Variants in VWA5A observed in about 807,000 individuals in gnomAD.
VWA5A encodes the protein von Willebrand factor A domain-containing protein 5A.
VWA5A carries 77 observed loss-of-function variants against 84.6 expected under a neutral mutation model. The observed-to-expected ratio is 0.91, with a 90% CI of 0.76 to 1.10. The LOEUF (loss-of-function observed/expected upper bound fraction) is 1.10. Among genes scored for constraint, VWA5A ranks in the 50% least tolerant of loss-of-function variants. VWA5A has a pLI of 0.00. For missense variants in VWA5A, 973 were observed against 963.0 expected, an observed-to-expected ratio of 1.01 and a Z score of -0.14; for synonymous variants, 334 against 350.1, an observed-to-expected ratio of 0.95 and a Z score of 0.51.
intron 11 of VWA5A, among the ~76,000 whole-genome samples, chr11:124,126,874 C>T (rs1466009911): frequency 3.9e-5 from 6 of 152,112 alleles, no homozygotes; most frequent in Non-Finnish European, 8.8e-5. Flanking sequence ...TGAGGGCAAA[C>T]CACAGATGTC....
At chr11:124,117,593 T>C in intron 3 of VWA5A, 39 bp downstream of exon 3, 1 of 1,614,010 alleles carries the variant, frequency 6.2e-7, no homozygotes, top group African/African-American at 1.3e-5. Flanking sequence ...CATTGAATCT[T>C]TGGCACCTAT....
chr11:124,131,219 C>A (rs1324931639), intron 11 of VWA5A, among the ~76,000 whole-genome samples: 1 of 151,968 alleles, frequency 6.6e-6, no homozygotes, highest in Non-Finnish European at 1.5e-5. Context: ...AAATATCTAT[C>A]TGATACCTGA....
chr11:124,122,141 T>G (rs913731679), intron 7 of VWA5A, among the ~76,000 whole-genome samples: 1 of 152,200 alleles, frequency 6.6e-6, no homozygotes, highest in Non-Finnish European at 1.5e-5. Context: ...TGGAACTGCT[T>G]CTTAAAAATG....
intron 11 of VWA5A, among the ~76,000 whole-genome samples, chr11:124,132,338 A>G (rs1240343915): frequency 2.6e-5 from 4 of 152,100 alleles, no homozygotes; most frequent in African/African-American, 4.8e-5. Context: ...ATTTTATGCT[A>G]GTATCATAAA....
chr11:124,120,075 G>A, intron 7 of VWA5A, among the ~76,000 whole-genome samples: 1 of 152,114 alleles, frequency 6.6e-6, no homozygotes, highest in East Asian at 1.9e-4. Context: ...CAGTTCTGTG[G>A]TCTTCAGGAC....
chr11:124,128,667 G>C (rs1865054293), intron 11 of VWA5A, among the ~76,000 whole-genome samples: 2 of 152,122 alleles, frequency 1.3e-5, no homozygotes, highest in South Asian at 4.1e-4. Context: ...TTGAACGGTG[G>C]TTTTTAGTTC....
chr11:124,131,680 T>G (rs1424453603), intron 11 of VWA5A, among the ~76,000 whole-genome samples: 1 of 151,948 alleles, frequency 6.6e-6, no homozygotes, highest in Non-Finnish European at 1.5e-5. Context: ...GTTAATTAAT[T>G]TAGATATTAA....
At chr11:124,116,944 C>T (rs1864840844) in intron 2 of VWA5A, among the ~76,000 whole-genome samples, 1 of 152,282 alleles carries the variant, frequency 6.6e-6, no homozygotes, top group Non-Finnish European at 1.5e-5. Context: ...TTCTCACATG[C>T]AGCGCGTCTC....
Position 124,142,472 on chromosome 11 carries a change from T to C in VWA5A, c.2054T>C (p.Ile685Thr). ...GGAGAGAATCACCTTGTGCAGCTGA[T>C]TTACCACCAAAATGCAAATGGTTCC... Reference protein sequence around the residue: ...GFGENHLVQLIYHQNANGSWD... With the variant: ...GFGENHLVQLTYHQNANGSWD... Residue 685 changes from isoleucine to threonine, a missense_variant, in exon 17 of 19, where the codon ATT becomes ACT. Transcript: ENST00000456829. 6.2e-7 allele frequency: 1 copy of C among 1,614,200 alleles called. No homozygotes were observed. Among genetic ancestry groups the C allele is most frequent in the Middle Eastern group, 1.6e-4 (1 of 6,062 alleles).
At position 124,141,604 on chromosome 11, in the gene VWA5A, G is replaced by A. The variant is rs763551541; in HGVS notation, c.1886G>A (p.Arg629Gln). The change falls in exon 16 of 19, where the codon CGA becomes CAA. Residue 629 changes from arginine (R) to glutamine (Q), a missense_variant. Physicochemically the swap from Arg to Gln is conservative, Grantham distance 43. Transcript: ENST00000456829. ...PLKIKCQSGF[R>Q]KALHSDRPPS... ...AATGTTTGGATTTTTTCAGGTTTTC[G>A]AAAGGCCTTACACTCTGACCGTCCT... The A allele has an allele frequency of 1.1e-5, 18 of 1,613,866 alleles. No homozygotes were observed. The highest frequency in any genetic ancestry group is 6.7e-5 in the African/African-American group (5 of 74,878).
chr11:124,127,529 C>T (rs1259060202), intron 11 of VWA5A, among the ~76,000 whole-genome samples: 1 of 152,148 alleles, frequency 6.6e-6, no homozygotes, highest in Non-Finnish European at 1.5e-5. Flanking sequence ...GGGTATATAT[C>T]CAGTAATGGG....
At position 124,118,198 on chromosome 11, in the gene VWA5A, A is replaced by C; in HGVS notation, c.256A>C (p.Asn86His). 1 of 1,613,934 alleles carries C rather than the reference A, an allele frequency of 6.2e-7. No individual in the cohort carries two copies. The highest frequency in any genetic ancestry group is 8.5e-7 in the Non-Finnish European group (1 of 1,179,966). Residue 86 changes from asparagine to histidine, a missense_variant, in exon 5 of 19, where the codon AAC (asparagine) becomes CAC (histidine). By Grantham distance (68) the Asn-to-His change is moderately conservative. Transcript: ENST00000456829. ...ELQDKMKART[N>H]YEKAISQGHQ... ...GCCCTGTGCTTCTCAGGCCCGCACCAACTATGAGAAAGCCATCTCCCAGGG... is the reference window on the plus strand; with the variant it reads ...GCCCTGTGCTTCTCAGGCCCGCACCCACTATGAGAAAGCCATCTCCCAGGG...
At chr11:124,123,615 A>C in intron 9 of VWA5A, 45 bp from the exon 10 acceptor site, 1 of 1,613,996 alleles carries the variant, frequency 6.2e-7, no homozygotes, top group Non-Finnish European at 8.5e-7. Context: ...ATACTGGGCA[A>C]GGTTAAGTAA....
chr11:124,128,094 A>G (rs1865046533), intron 11 of VWA5A, among the ~76,000 whole-genome samples: 1 of 152,170 alleles, frequency 6.6e-6, no homozygotes, highest in African/African-American at 2.4e-5. Flanking sequence ...GCCCATGCCT[A>G]TGTCCTGAAT....
chr11:124,143,496 G>C (rs1372831646), intron 17 of VWA5A, among the ~76,000 whole-genome samples: 1 of 152,106 alleles, frequency 6.6e-6, no homozygotes, highest in African/African-American at 2.4e-5. Flanking sequence ...TAATTCAATA[G>C]AGGTGTGCTA....
At chr11:124,126,315 T>C (rs1263051150) in intron 11 of VWA5A, among the ~76,000 whole-genome samples, 5 of 152,254 alleles carry the variant, frequency 3.3e-5, no homozygotes, top group Non-Finnish European at 5.9e-5. Flanking sequence ...ACTAGATCTA[T>C]TTAAGCAGGA....
chr11:124,124,382 A>G (rs866688837), intron 11 of VWA5A, 66 bp downstream of exon 11: 5 of 1,569,936 alleles, frequency 3.2e-6, no homozygotes, highest in Middle Eastern at 3.4e-4. Flanking sequence ...CTAGTGCTAC[A>G]TGATGCCGGT....
In VWA5A at chr11:124,136,176, C is replaced by G; in HGVS notation, c.1407C>G (p.Val469=). ...CTCTGCAGCCTGTGGTAGAGGATGT[C>G]TCTCTGAGCTGGCATTTGCCTCCTG... is the stretch of plus-strand genomic sequence containing the variant. ...KRSLQPVVED[V]SLSWHLPPGL... The change falls in exon 13 of 19, where the codon GTC becomes GTG. Residue 469 remains valine, a synonymous_variant. Transcript: ENST00000456829. 6.2e-7 allele frequency: 1 copy of G among 1,614,202 alleles called. No homozygotes were observed. The highest frequency in any genetic ancestry group is 8.5e-7 in the Non-Finnish European group (1 of 1,180,036).
intron 11 of VWA5A, among the ~76,000 whole-genome samples, chr11:124,128,927 C>T (rs569654655): frequency 6.6e-6 from 1 of 152,316 alleles, no homozygotes; most frequent in African/African-American, 2.4e-5. Context: ...CATCTGCAAA[C>T]AGAGAGAATT....
Sources: gnomAD v4.1 joint callset for allele counts (sites outside exome capture counted in the v4.1 genomes callset) on GRCh38, gnomAD v4.1.1 for gene constraint, MANE v1.5 for transcripts, NCBI Gene and HGNC (gene_info 2026-07-23, HGNC 2026-07-21) for gene names.